Variants in FBXW4 observed in about 807,000 individuals in gnomAD.
The protein encoded by FBXW4 is F-box and WD repeat domain containing 4, also known as F-box/WD repeat-containing protein 4.
Under a neutral mutation model 61.8 loss-of-function variants are expected in FBXW4, and 40 were observed. The observed-to-expected ratio is 0.65, with a 90% CI of 0.50 to 0.84. FBXW4 has a LOEUF of 0.84. Among genes scored for constraint, FBXW4 ranks in the 40% least tolerant of loss-of-function variants. The probability of loss-of-function intolerance (pLI) is 0.00; values close to 1 mark genes in which losing one functional copy is unlikely to be tolerated. For missense variants in FBXW4, 672 were observed against 753.8 expected (o/e 0.89, Z 1.27); for synonymous variants, 311 against 313.8 (o/e 0.99, Z 0.10).
chr10:101,661,472 GAGATTT>G (rs2064244380), intron 5 of FBXW4, among the ~76,000 whole-genome samples: 1 of 152,164 alleles, frequency 6.6e-6, no homozygotes, highest in African/African-American at 2.4e-5. Context: ...GCACTGTACT[GAGATTT>G]AGCAGGACCT....
chr10:101,671,050 G>A (rs1440066380), intron 4 of FBXW4, among the ~76,000 whole-genome samples: 1 of 152,218 alleles, frequency 6.6e-6, no homozygotes, highest in East Asian at 1.9e-4. Flanking sequence ...AGGTTCAGGT[G>A]TATTAGAAGC....
At chr10:101,640,869 C>T (rs1374317776) in intron 5 of FBXW4, among the ~76,000 whole-genome samples, 6 of 146,772 alleles carry the variant, frequency 4.1e-5, no homozygotes, top group African/African-American at 7.6e-5. Flanking sequence ...CTCACTCTGT[C>T]GCTCAGGCTG....
chr10:101,623,809 T>C (rs191925045), intron 6 of FBXW4, among the ~76,000 whole-genome samples: 13 of 152,302 alleles, frequency 8.5e-5, no homozygotes, highest in African/African-American at 3.1e-4. Flanking sequence ...TATGCTGGGT[T>C]TTTAAAAAGC....
At chr10:101,630,672 G>A (rs2063946025) in intron 5 of FBXW4, among the ~76,000 whole-genome samples, 1 of 152,204 alleles carries the variant, frequency 6.6e-6, no homozygotes, top group African/African-American at 2.4e-5. Flanking sequence ...GAGACCAGTA[G>A]AGTGGGAACA....
At chr10:101,657,440 C>T (rs2064196623) in intron 5 of FBXW4, among the ~76,000 whole-genome samples, 1 of 152,006 alleles carries the variant, frequency 6.6e-6, no homozygotes, top group South Asian at 2.1e-4. Context: ...TCGAAACCAG[C>T]CTGGCCAACA....
rs754429820 is a variant in FBXW4, at chr10:101,611,712, T to C, written c.1500A>G (p.Thr500=). ...PHDSTLYCLQ[T]DGNHLLATGS... is the part of the protein sequence containing the mutation. ...CTGTGGCCAGCAGGTGGTTGCCATCTGTCTGCAGGCAGTACAGGGTGCTGT... is the reference window on the plus strand; with the variant it reads ...CTGTGGCCAGCAGGTGGTTGCCATCCGTCTGCAGGCAGTACAGGGTGCTGT... The change falls in exon 8 of 9, where the codon ACA becomes ACG. Residue 500 remains threonine (T), a synonymous_variant. Transcript: ENST00000331272. This position sits in a 1 kb window ranked among gnomAD's most constrained non-coding sequence, Gnocchi z 4.9. 3.7e-6 allele frequency: 6 copies of C among 1,614,200 alleles called. No homozygotes were observed. Among genetic ancestry groups the C allele is most frequent in the Non-Finnish European group, 5.1e-6 (6 of 1,180,032 alleles).
intron 5 of FBXW4, among the ~76,000 whole-genome samples, chr10:101,655,721 T>C (rs2064179417): frequency 6.6e-6 from 1 of 152,238 alleles, no homozygotes. Context: ...AGTCGAGTCC[T>C]TGGGAGAAAG....
At position 101,647,390 on chromosome 10, in the gene FBXW4, G is replaced by C. The variant is rs571388047; in HGVS notation, c.1235+20496C>G. Among the ~76,000 whole-genome samples the C allele has an allele frequency of 2.0e-5, 3 of 152,264 alleles. No individual in the cohort carries two copies. The South Asian group carries it at 6.2e-4, about 32-fold the overall frequency. ...TGCTGGGTAGTTCTTTGAAGTAGGA[G>C]AGTTTTACACATAGGCACTTAAGGA... On this transcript the variant is annotated intron_variant, in intron 5 of 8. Coordinates refer to ENST00000331272, the MANE Select transcript of FBXW4 (RefSeq NM_022039.4).
chr10:101,677,166 A>G (rs1564924318), intron 1 of FBXW4, among the ~76,000 whole-genome samples: 1 of 152,204 alleles, frequency 6.6e-6, no homozygotes, highest in Non-Finnish European at 1.5e-5. Context: ...ATCTAAACAT[A>G]TGTGTACTCT....
intron 5 of FBXW4, among the ~76,000 whole-genome samples, chr10:101,652,797 C>T (rs1175359102): frequency 1.3e-5 from 2 of 152,142 alleles, no homozygotes; most frequent in Admixed American, 6.5e-5. Context: ...AAGTTGCCCC[C>T]GAATTACTCA....
At chr10:101,624,634 C>T in intron 6 of FBXW4, 111 bp downstream of exon 6, 1 of 1,176,904 alleles carries the variant, frequency 8.5e-7, no homozygotes, top group Non-Finnish European at 1.3e-6. Flanking sequence ...CCTACTAGAC[C>T]ACTTCCCAGC....
At chr10:101,612,978 CAGG>C (rs1445559032) in intron 6 of FBXW4, 2 of 152,544 alleles carry the variant, frequency 1.3e-5, no homozygotes. Context: ...AGGGGAGTCC[CAGG>C]AGATGTTAAA....
intron 5 of FBXW4, among the ~76,000 whole-genome samples, chr10:101,648,291 A>G (rs993509101): frequency 2.0e-5 from 3 of 152,240 alleles, no homozygotes; most frequent in African/African-American, 7.2e-5. Context: ...ATGAAGTCAC[A>G]ACAAGCATTG....
At chr10:101,657,742 G>A (rs186123103) in intron 5 of FBXW4, among the ~76,000 whole-genome samples, 3 of 150,662 alleles carry the variant, frequency 2.0e-5, no homozygotes, top group African/African-American at 7.3e-5. Context: ...TGTCCAATCC[G>A]TAGTCAGAGA....
chr10:101,655,450 A>G (rs1343410319), intron 5 of FBXW4, among the ~76,000 whole-genome samples: 1 of 152,172 alleles, frequency 6.6e-6, no homozygotes, highest in Non-Finnish European at 1.5e-5. Flanking sequence ...CCTGGATACT[A>G]GTAAGAGTCC....
rs78456456 is a variant in FBXW4, at chr10:101,651,189, C to G, written c.1235+16697G>C. On this transcript the variant is annotated intron_variant, in intron 5 of 8. Transcript: ENST00000331272. ...CACTGCACATGCCACCTGGTCCTTCCCCCCAGGCCCCAGCTCTGTGAGCGG... is the reference window on the plus strand; with the variant it reads ...CACTGCACATGCCACCTGGTCCTTCGCCCCAGGCCCCAGCTCTGTGAGCGG... 4.9e-4 allele frequency among the ~76,000 whole-genome samples: 75 copies of G among 152,256 alleles called. 1 individual carries two copies. In the East Asian group the frequency reaches 0.014, roughly 29 times the overall value.
chr10:101,678,661 C>T (rs2064441419), intron 1 of FBXW4, among the ~76,000 whole-genome samples: 1 of 152,160 alleles, frequency 6.6e-6, no homozygotes, highest in African/African-American at 2.4e-5. Flanking sequence ...ATCTCCTGAC[C>T]TCGTGATCCA....
Position 101,630,409 on chromosome 10 carries a change from G to A in FBXW4, c.1236-5599C>T, listed in dbSNP as rs569197128. On this transcript the variant is annotated intron_variant, in intron 5 of 8. Transcript: ENST00000331272. ...CCTCATTGGCACCTGGGGGCCCCCC[G>A]ATTTCCCTTGGCCCCCTCCTTAAAT... is the stretch of plus-strand genomic sequence containing the variant. Among the ~76,000 whole-genome samples the A allele has an allele frequency of 1.9e-4, 29 of 152,270 alleles. No individual in the cohort carries two copies. The East Asian group carries it at 3.7e-3, about 19-fold the overall frequency.
At chr10:101,614,874 C>T (rs976299752) in intron 6 of FBXW4, among the ~76,000 whole-genome samples, 2 of 152,088 alleles carry the variant, frequency 1.3e-5, no homozygotes, top group African/African-American at 4.8e-5. Context: ...GGAAAACAAA[C>T]AGAAATGGCA....
Sources: gnomAD v4.1 joint callset for allele counts (sites outside exome capture counted in the v4.1 genomes callset) on GRCh38, gnomAD v4.1.1 for gene constraint, Gnocchi (gnomAD v3.1) non-coding constraint, MANE v1.5 for transcripts, NCBI Gene and HGNC (gene_info 2026-07-23, HGNC 2026-07-21) for gene names.